The following SH3TC2 variants were observed in gnomAD, a reference collection of about 807,000 sequenced individuals.
The protein encoded by SH3TC2 is SH3 domain and tetratricopeptide repeats 2, also known as SH3 domain and tetratricopeptide repeat-containing protein 2.
A neutral mutation model predicts 124.5 loss-of-function variants in SH3TC2; 87 were observed. The ratio of observed to expected loss-of-function variants is 0.70; its 90% CI spans 0.59 to 0.84. The LOEUF (loss-of-function observed/expected upper bound fraction) is 0.84, where lower values mean the gene tolerates loss of function less well. Among genes scored for constraint, SH3TC2 ranks in the 40% least tolerant of loss-of-function variants. The pLI, the probability that SH3TC2 is intolerant of heterozygous loss-of-function variation, is 0.00. For missense variants in SH3TC2, 1,536 were observed against 1,566.4 expected, an observed-to-expected ratio of 0.98 and a Z score of 0.33; for synonymous variants, 634 against 628.5, an observed-to-expected ratio of 1.01 and a Z score of -0.13.
At chr5:149,040,798 T>G in intron 6 of SH3TC2, 121 bp from the exon 7 acceptor site, 1 of 872,744 alleles carries the variant, frequency 1.1e-6, no homozygotes, top group Non-Finnish European at 1.9e-6. Flanking sequence ...ATTTAAATGA[T>G]GGCAAAAGTT....
At chr5:149,060,378 C>G (rs551137674) in intron 1 of SH3TC2, among the ~76,000 whole-genome samples, 60 of 152,308 alleles carry the variant, frequency 3.9e-4, no homozygotes, top group African/African-American at 1.3e-3. Context: ...TGCAGTCCCC[C>G]CTGATTAGGG....
chr5:149,009,527 C>T (rs924962112), intron 14 of SH3TC2, among the ~76,000 whole-genome samples: 1 of 152,308 alleles, frequency 6.6e-6, no homozygotes, highest in Non-Finnish European at 1.5e-5. Flanking sequence ...TTCTTCCCCA[C>T]CCCTAGCTCA....
chr5:149,052,006 G>A, intron 2 of SH3TC2, 136 bp downstream of exon 2: 1 of 726,744 alleles, frequency 1.4e-6, no homozygotes, highest in Non-Finnish European at 2.5e-6. Flanking sequence ...CAGAAGATTT[G>A]TGAGCAAGCA....
rs748963999 is a variant in SH3TC2 at position 149,012,633 on chromosome 5, C to T, written c.3155G>A (p.Arg1052Gln). 35 of 1,613,998 alleles carry T rather than the reference C, an allele frequency of 2.2e-5. No individual in the cohort carries two copies. The highest frequency in any genetic ancestry group is 2.1e-4 in the South Asian group (19 of 91,078). Residue 1052 changes from arginine (R) to glutamine (Q), a missense_variant, in exon 13 of 17, where the codon CGA becomes CAA. This residue lies in a region of SH3TC2 where 426 missense variants were observed against 443.5 expected (regional missense o/e 0.96). Transcript: ENST00000515425. ...GTCTTCCTGCATGAGGTAGTGGAGT[C>T]GCCCCGCCCCAAGCCAGGCCTCAGC... ...KAAEAWLGAG[R>Q]LHYLMQEDEL...
Position 148,999,713 on chromosome 5 carries a change from C to T in SH3TC2, c.*4998G>A, listed in dbSNP as rs1022927592. On this transcript the variant is annotated 3_prime_UTR_variant, in exon 17 of 17. Transcript: ENST00000515425. The stretch of plus-strand genomic sequence containing the variant: ...AGTGTTGTGTTGCAATCGCCAAGTC[C>T]TAATGTGTTTTCTACCTTCTCCACT... Among the ~76,000 whole-genome samples the T allele has an allele frequency of 6.6e-6, 1 of 152,184 alleles. No individual in the cohort carries two copies. The highest frequency in any genetic ancestry group is 1.5e-5 in the Non-Finnish European group (1 of 68,030).
intron 7 of SH3TC2, among the ~76,000 whole-genome samples, 194 bp downstream of exon 7, chr5:149,040,410 C>T (rs1299737143): frequency 6.6e-6 from 1 of 152,138 alleles, no homozygotes; most frequent in East Asian, 1.9e-4. Flanking sequence ...TTTGTAGCTG[C>T]CCCCTGGATT....
chr5:149,022,207 A>C (rs1306767044), intron 12 of SH3TC2, among the ~76,000 whole-genome samples: 2 of 152,180 alleles, frequency 1.3e-5, no homozygotes, highest in African/African-American at 4.8e-5. Flanking sequence ...ATCAAAAGAC[A>C]AACAACCCAA....
chr5:149,053,015 T>A (rs1302408502), intron 1 of SH3TC2, among the ~76,000 whole-genome samples: 5 of 152,224 alleles, frequency 3.3e-5, no homozygotes, highest in Admixed American at 1.3e-4. Flanking sequence ...GTTGATGGAT[T>A]CTGTCCTTTT....
rs1338273778 is a variant in SH3TC2 at position 148,988,967 on chromosome 5, C to G, written c.*15744G>C. ...ACTCAAAATGTTTCCCTTATCTGGT[C>G]TAGTTGTGCCCTACTGAGCCCAGAC... On this transcript the variant is annotated 3_prime_UTR_variant, in exon 17 of 17. Transcript: ENST00000515425. Among the ~76,000 whole-genome samples the G allele has an allele frequency of 6.6e-6, 1 of 152,176 alleles. No individual in the cohort carries two copies. Among genetic ancestry groups the G allele is most frequent in the Non-Finnish European group, 1.5e-5 (1 of 68,020 alleles).
At chr5:149,054,976 A>G (rs1447247075) in intron 1 of SH3TC2, among the ~76,000 whole-genome samples, 1 of 152,214 alleles carries the variant, frequency 6.6e-6, no homozygotes, top group Non-Finnish European at 1.5e-5. Flanking sequence ...CTTAGGGCAG[A>G]AAATTGCAAG....
At position 149,004,614 on chromosome 5, in the gene SH3TC2, G is replaced by C; in HGVS notation, c.*97C>G. 5 of 1,326,228 alleles carry C rather than the reference G, an allele frequency of 3.8e-6. No individual in the cohort carries two copies. The highest frequency in any genetic ancestry group is 4.2e-6 in the Non-Finnish European group (4 of 963,402). The allele number at this position is 1,326,228 out of a possible 1,614,324, so 82.2% of individuals were successfully genotyped here. ...CTTGTGAAATGAGGGGGCTAGGCCA[G>C]GTAAGGACTCGGACCCTCCCAATGA... On this transcript the variant is annotated 3_prime_UTR_variant, in exon 17 of 17. Transcript: ENST00000515425.
In SH3TC2 at chr5:149,028,170, C is replaced by T; in HGVS notation, c.1562G>A (p.Ser521Asn). 6.2e-7 allele frequency: 1 copy of T among 1,614,176 alleles called. No homozygotes were observed. The highest frequency in any genetic ancestry group is 8.5e-7 in the Non-Finnish European group (1 of 1,180,040). ...LEASRKWAKK[S>N]HMTWAHARLC... ...ACGGGCATGGGCCCAGGTCATGTGG[C>T]TCTTCTTGGCCCACTTTCTTGATGC... Residue 521 changes from serine (S) to asparagine (N), a missense_variant, in exon 11 of 17, where the codon AGC becomes AAC. Ser to Asn is a conservative substitution (Grantham distance 46). Transcript: ENST00000515425.
At position 149,042,697 on chromosome 5, in the gene SH3TC2, C is replaced by T; in HGVS notation, c.526G>A (p.Glu176Lys). Residue 176 changes from glutamate to lysine, a missense_variant, in exon 5 of 17, where the codon GAA (glutamate) becomes AAA (lysine). Physicochemically the swap from Glu to Lys is moderately conservative, Grantham distance 56 (BLOSUM62 1). Coordinates refer to ENST00000515425, the MANE Select transcript of SH3TC2 (RefSeq NM_024577.4). ...TCTACCCCTATGCCACACTCACCTT[C>T]CTGTATCAGGAGTCCCAGGTATATT... is the stretch of plus-strand genomic sequence containing the variant. ...ETIYLGLLIQ[E>K]GHFFCRALCS... The T allele has an allele frequency of 6.2e-7, 1 of 1,614,136 alleles. No homozygotes were observed. The highest frequency in any genetic ancestry group is 1.1e-5 in the South Asian group (1 of 91,084).
At chr5:149,035,525 G>A (rs1754268980) in intron 8 of SH3TC2, 1 of 152,748 alleles carries the variant, frequency 6.5e-6, no homozygotes, top group Non-Finnish European at 1.5e-5. Context: ...TTGCTTGCGT[G>A]GAGTTGGGTC....
chr5:149,019,703 G>A (rs1279440089), intron 12 of SH3TC2, among the ~76,000 whole-genome samples: 3 of 152,204 alleles, frequency 2.0e-5, no homozygotes, highest in East Asian at 1.9e-4. Context: ...TTTGCAAGGA[G>A]TGTTTATTTA....
intron 12 of SH3TC2, among the ~76,000 whole-genome samples, chr5:149,017,644 G>A (rs770978711): frequency 6.6e-5 from 10 of 152,206 alleles, no homozygotes; most frequent in Non-Finnish European, 1.2e-4. Flanking sequence ...ATCTGAGCTA[G>A]TACCAGTGAA....
At chr5:149,016,651 C>T (rs1219579291) in intron 12 of SH3TC2, among the ~76,000 whole-genome samples, 1 of 152,112 alleles carries the variant, frequency 6.6e-6, no homozygotes, top group Non-Finnish European at 1.5e-5. Context: ...AGACGGCTGG[C>T]GCGGTGGCTC....
chr5:149,040,829 C>A, intron 6 of SH3TC2, 152 bp from the exon 7 acceptor site: 1 of 753,570 alleles, frequency 1.3e-6, no homozygotes, highest in Non-Finnish European at 2.3e-6. Context: ...TTACTTTCTA[C>A]CAGGACCTGT....
chr5:149,018,852 T>C (rs1028366333), intron 12 of SH3TC2, among the ~76,000 whole-genome samples: 2 of 152,208 alleles, frequency 1.3e-5, no homozygotes, highest in African/African-American at 2.4e-5. Context: ...TACTTATCCT[T>C]CAAGGGCCTC....
Sources: allele counts gnomAD v4.1 joint callset (sites outside exome capture counted in the v4.1 genomes callset), GRCh38; gene constraint gnomAD v4.1.1; regional missense constraint gnomAD v4.1.1; transcripts MANE v1.5; gene names NCBI Gene and HGNC (gene_info 2026-07-23, HGNC 2026-07-21).